VLDLR: variants seen among roughly 807,000 people sequenced by gnomAD.
VLDLR encodes the protein very low density lipoprotein receptor.
In VLDLR, 81 loss-of-function variants were observed where a neutral mutation model predicts 112.7. That is an observed-to-expected ratio of 0.72 (90% CI 0.60 to 0.86). VLDLR has a LOEUF of 0.86. VLDLR is among the 40% of genes least tolerant of loss of function. The pLI is 0.00. For missense variants in VLDLR, 1,237 were observed against 1,099.4 expected (o/e 1.13, Z -1.77); for synonymous variants, 436 against 384.8 (o/e 1.13, Z -1.56).
Position 2,641,649 on chromosome 9 carries a change from A to G in VLDLR, c.448+150A>G, listed in dbSNP as rs574069893. ...TCTGCTCAATTACTTGTCCTTCATA[A>G]CTGCCCTAAAACCCTAAAAGACATT... On this transcript the variant is annotated intron_variant, in intron 4 of 18. Transcript: ENST00000382100. The G allele has an allele frequency of 4.4e-5, 53 of 1,211,140 alleles. No homozygotes were observed. The African/African-American group carries it at 7.0e-4, about 16-fold the overall frequency. The allele number at this position is 1,211,140 out of a possible 1,614,324, so 75.0% of individuals were successfully genotyped here. A position where few individuals can be genotyped will look rare whatever the true frequency, so the allele number is the denominator to read the frequency against.
At chr9:2,642,000 A>G (rs1817854908) in intron 4 of VLDLR, among the ~76,000 whole-genome samples, 1 of 151,904 alleles carries the variant, frequency 6.6e-6, no homozygotes, top group Non-Finnish European at 1.5e-5. Context: ...AGAAGCATGA[A>G]TTAACATCTT....
chr9:2,631,312 G>A (rs981621065), intron 1 of VLDLR, among the ~76,000 whole-genome samples: 8 of 152,276 alleles, frequency 5.3e-5, no homozygotes, highest in Non-Finnish European at 2.9e-5. Context: ...TCCCTCTACT[G>A]GGTATCTACC....
At chr9:2,653,204 C>T (rs1818430723) in intron 18 of VLDLR, among the ~76,000 whole-genome samples, 2 of 152,188 alleles carry the variant, frequency 1.3e-5, no homozygotes, top group Non-Finnish European at 2.9e-5. Context: ...ATAGAAATGA[C>T]ATGTAAATAC....
At chr9:2,644,032 C>G (rs902880666) in intron 7 of VLDLR, 73 bp downstream of exon 7, 43 of 1,606,034 alleles carry the variant, frequency 2.7e-5, no homozygotes, top group South Asian at 7.7e-5. Flanking sequence ...ACTGTGTGGA[C>G]CCCCCGTGAT....
intron 1 of VLDLR, among the ~76,000 whole-genome samples, chr9:2,628,454 T>C (rs537087438): frequency 6.6e-5 from 10 of 152,212 alleles, no homozygotes; most frequent in African/African-American, 2.4e-4. Flanking sequence ...GTATAGCAGA[T>C]GGTGGGTAGT....
At chr9:2,644,557 G>C (rs756178721) in intron 7 of VLDLR, among the ~76,000 whole-genome samples, 177 bp from the exon 8 acceptor site, 1 of 152,024 alleles carries the variant, frequency 6.6e-6, no homozygotes, top group South Asian at 2.1e-4. Context: ...GTAACTTGCC[G>C]AGGAGTTAGA....
chr9:2,645,172 A>T, intron 9 of VLDLR, 90 bp downstream of exon 9: 2 of 1,588,386 alleles, frequency 1.3e-6, no homozygotes, highest in Non-Finnish European at 1.7e-6. Flanking sequence ...GTCAAACTAA[A>T]CATGAAATTG....
chr9:2,626,463 G>A (rs575906049), intron 1 of VLDLR, among the ~76,000 whole-genome samples: 17 of 152,188 alleles, frequency 1.1e-4, no homozygotes, highest in Non-Finnish European at 2.1e-4. Context: ...CATAAATTTA[G>A]CATACTTTTC....
At chr9:2,633,459 C>T (rs912629661) in intron 1 of VLDLR, among the ~76,000 whole-genome samples, 5 of 152,078 alleles carry the variant, frequency 3.3e-5, no homozygotes, top group African/African-American at 9.7e-5. Context: ...GGTTGTCTTC[C>T]AGGTACCTTA....
At chr9:2,645,229 A>C (rs1476867980) in intron 9 of VLDLR, 147 bp downstream of exon 9, 2 of 1,204,050 alleles carry the variant, frequency 1.7e-6, no homozygotes, top group Non-Finnish European at 2.4e-6. Flanking sequence ...AGTATAGGTC[A>C]AATAGCAGAT....
chr9:2,644,734 A>T lies in VLDLR; in HGVS notation c.1067A>T (p.His356Leu). ...DWSDEPLKEC[H>L]INECLVNNGG... ...AGTGACTACTACATTTTTATTCCAG[A>T]TATAAACGAATGCTTGGTAAATAAT... Residue 356 changes from histidine (H) to leucine (L), a missense_variant and splice_region_variant, in exon 8 of 19, where the codon CAT becomes CTT. His to Leu is a moderately conservative substitution (Grantham distance 99, BLOSUM62 -3). Transcript: ENST00000382100. 1 of 1,614,152 alleles carries T rather than the reference A, an allele frequency of 6.2e-7. No individual in the cohort carries two copies. The highest frequency in any genetic ancestry group is 8.5e-7 in the Non-Finnish European group (1 of 1,180,024).
intron 7 of VLDLR, among the ~76,000 whole-genome samples, 154 bp downstream of exon 7, chr9:2,644,113 C>T (rs1817950096): frequency 2.0e-5 from 3 of 151,380 alleles, no homozygotes; most frequent in Admixed American, 1.3e-4. Flanking sequence ...GACTTAAAAG[C>T]CCAGGTAGGA....
chr9:2,641,073 G>C (rs1180960345), intron 3 of VLDLR, among the ~76,000 whole-genome samples: 2 of 152,310 alleles, frequency 1.3e-5, no homozygotes, highest in East Asian at 3.9e-4. Flanking sequence ...AGTGGTCTAG[G>C]AGCAGGCCAG....
rs540007112 is a variant in VLDLR, at chr9:2,634,010, T to G, written c.83-1443T>G. ...AAACGTGAAGAATGAAAAAGTATTA[T>G]GAAATGAAGGTAGGAAACCATTCTG... On this transcript the variant is annotated intron_variant, in intron 1 of 18. Transcript: ENST00000382100. Among the ~76,000 whole-genome samples the G allele has an allele frequency of 2.6e-5, 4 of 152,308 alleles. No individual in the cohort carries two copies. The East Asian group carries it at 7.7e-4, about 29-fold the overall frequency.
intron 1 of VLDLR, among the ~76,000 whole-genome samples, chr9:2,624,844 C>A (rs1273985649): frequency 6.6e-6 from 1 of 152,282 alleles, no homozygotes; most frequent in South Asian, 2.1e-4. Context: ...CCAGCCAAGC[C>A]CTCCTTGGCA....
chr9:2,651,842 C>A, intron 16 of VLDLR, 32 bp from the exon 17 acceptor site: 1 of 1,612,540 alleles, frequency 6.2e-7, no homozygotes, highest in Non-Finnish European at 8.5e-7. Context: ...AATACAGATC[C>A]TTCTAAACTG....
At chr9:2,638,551 C>T (rs770733896) in intron 2 of VLDLR, among the ~76,000 whole-genome samples, 7 of 152,130 alleles carry the variant, frequency 4.6e-5, no homozygotes, top group Admixed American at 2.6e-4. Flanking sequence ...GAAAGATAAG[C>T]TTAGGGTATC....
At chr9:2,642,080 T>C (rs1454829314) in intron 4 of VLDLR, among the ~76,000 whole-genome samples, 1 of 152,208 alleles carries the variant, frequency 6.6e-6, no homozygotes. Flanking sequence ...TTCCTGTCTC[T>C]GAAAGCTAAC....
rs1013922975 is a variant in VLDLR, at chr9:2,655,314, CAT to C, written c.*1447_*1448del. 1 of 152,040 alleles carries C rather than the reference CAT, an allele frequency of 6.6e-6. No individual in the cohort carries two copies. Among genetic ancestry groups the C allele is most frequent in the African/African-American group, 2.4e-5 (1 of 41,394 alleles). 9.4% of individuals were successfully genotyped at this position (152,040 alleles called of 1,614,324 possible). On this transcript the variant is annotated 3_prime_UTR_variant, in exon 19 of 19. Coordinates refer to ENST00000382100, the MANE Select transcript of VLDLR (RefSeq NM_003383.5). ...TGTACAGGGAGTTTAGTGAATTTTC[CAT>C]CAGGTTGGCCATTACTTTCTTTCTC...
Sources: allele counts gnomAD v4.1 joint callset (sites outside exome capture counted in the v4.1 genomes callset), GRCh38; gene constraint gnomAD v4.1.1; transcripts MANE v1.5; gene names NCBI Gene and HGNC (gene_info 2026-07-23, HGNC 2026-07-21).